Variants in NET1 observed in about 807,000 individuals in gnomAD.
NET1 encodes neuroepithelial cell transforming 1, also known as neuroepithelial cell-transforming gene 1 protein.
In NET1, 42 loss-of-function variants were observed where a neutral mutation model predicts 61.1. The ratio of observed to expected loss-of-function variants is 0.69; its 90% CI spans 0.54 to 0.89. The LOEUF (loss-of-function observed/expected upper bound fraction) is 0.89, where lower values mean the gene tolerates loss of function less well. Among genes scored for constraint, NET1 ranks in the 40% least tolerant of loss-of-function variants. The pLI is 0.00. For synonymous variants in NET1, 254 were observed against 281.8 expected (o/e 0.90, Z 0.99); for missense variants, 654 against 747.3 (o/e 0.88, Z 1.46).
In NET1 at chr10:5,442,193, C is replaced by A. The variant is rs182689944; in HGVS notation, c.256-9637C>A. Among the ~76,000 whole-genome samples, 36 of 152,250 alleles carry A rather than the reference C, an allele frequency of 2.4e-4. 1 individual carries two copies. The East Asian group carries it at 6.9e-3, about 29-fold the overall frequency. ...TGTAGTCATCTATGTAATGTCGTTA[C>A]AAATATAATTACAAAGTTGAAAAAC... is the stretch of plus-strand genomic sequence containing the variant. On this transcript the variant is annotated intron_variant, in intron 3 of 11. Coordinates refer to ENST00000355029, the MANE Select transcript of NET1 (RefSeq NM_001047160.3).
In NET1 at chr10:5,447,483, G is replaced by A. The variant is rs1207823587; in HGVS notation, c.256-4347G>A. Among the ~76,000 whole-genome samples the A allele has an allele frequency of 6.6e-6, 1 of 152,090 alleles. No homozygotes were observed. The highest frequency in any genetic ancestry group is 1.5e-5 in the Non-Finnish European group (1 of 68,026). On this transcript the variant is annotated intron_variant, in intron 3 of 11. Transcript: ENST00000355029. The surrounding 1 kb of genome is among the most constrained non-coding windows in gnomAD (Gnocchi z 4.1). ...TTATGTAATCTTGATTTAACATTGT[G>A]TGATATTCTGTTTATACTATATACT...
In NET1 at chr10:5,446,309, C is replaced by A. The variant is rs1832606825; in HGVS notation, c.256-5521C>A. 6.6e-6 allele frequency among the ~76,000 whole-genome samples: 1 copy of A among 152,204 alleles called. No individual in the cohort carries two copies. Among genetic ancestry groups the A allele is most frequent in the South Asian group, 2.1e-4 (1 of 4,832 alleles). On this transcript the variant is annotated intron_variant, in intron 3 of 11. Coordinates refer to ENST00000355029, the MANE Select transcript of NET1 (RefSeq NM_001047160.3). This position sits in a 1 kb window ranked among gnomAD's most constrained non-coding sequence, Gnocchi z 5.0. ...TATTTGAGTTGTCAAGTTGTCCATA[C>A]TGAACTTATTCCCATGCAATAGGGT...
Position 5,453,724 on chromosome 10 carries a change from TAA to T in NET1, c.768+178_768+179del, listed in dbSNP as rs200149854. Among the ~76,000 whole-genome samples the T allele has an allele frequency of 1.4e-5, 2 of 139,792 alleles. No homozygotes were observed. Among genetic ancestry groups the T allele is most frequent in the South Asian group, 2.3e-4 (1 of 4,390 alleles). 91.7% of individuals were successfully genotyped at this position (139,792 alleles called of 152,430 possible). Reference sequence around the variant, plus strand: ...GTGACATAAGAAGTTACAGTCTGTTTAAAAAAAAAAAAAAACACCTTCATTAA... The same window carrying T: ...GTGACATAAGAAGTTACAGTCTGTTTAAAAAAAAAAAAACACCTTCATTAA... On this transcript the variant is annotated intron_variant, in intron 8 of 11. Transcript: ENST00000355029. The surrounding 1 kb of genome is among the most constrained non-coding windows in gnomAD (Gnocchi z 4.9).
intron 1 of NET1, among the ~76,000 whole-genome samples, chr10:5,425,767 C>T (rs1202750022): frequency 6.6e-6 from 1 of 152,200 alleles, no homozygotes; most frequent in East Asian, 1.9e-4. Context: ...GTAGCAAGCA[C>T]TGAATAAATA....
At position 5,420,493 on chromosome 10, in the gene NET1, A is replaced by C. The variant is rs1171539127; in HGVS notation, c.129-6162A>C. Reference sequence around the variant, plus strand: ...TGCAAGTTTCTCTGGGGCAGCAGTTATGTTTTCTATGTAGATATTCCCTAC... The same window carrying C: ...TGCAAGTTTCTCTGGGGCAGCAGTTCTGTTTTCTATGTAGATATTCCCTAC... On this transcript the variant is annotated intron_variant, in intron 1 of 11. Coordinates refer to ENST00000355029, the MANE Select transcript of NET1 (RefSeq NM_001047160.3). The surrounding 1 kb of genome is among the most constrained non-coding windows in gnomAD (Gnocchi z 5.3). Among the ~76,000 whole-genome samples the C allele has an allele frequency of 6.6e-6, 1 of 152,168 alleles. No homozygotes were observed. The highest frequency in any genetic ancestry group is 1.5e-5 in the Non-Finnish European group (1 of 68,024).
rs1212725101 is a variant in NET1, at chr10:5,426,722, G to A, written c.195+1G>A. On this transcript the variant is annotated splice_donor_variant, in intron 2 of 11. Coordinates refer to ENST00000355029, the MANE Select transcript of NET1 (RefSeq NM_001047160.3). LOFTEE classifies it high-confidence loss of function. This position sits in a 1 kb window ranked among gnomAD's most constrained non-coding sequence, Gnocchi z 4.6. ...TGGCCCCAACTGGGACTTCACTTTG[G>A]TGAGTAGATACCTGGGTTTTTATTT... The A allele has an allele frequency of 3.1e-6, 5 of 1,598,984 alleles. No individual in the cohort carries two copies. Among genetic ancestry groups the A allele is most frequent in the Non-Finnish European group, 3.4e-6 (4 of 1,173,216 alleles).
Position 5,451,432 on chromosome 10 carries a change from G to T in NET1, c.256-398G>T, listed in dbSNP as rs780438358. On this transcript the variant is annotated intron_variant, in intron 3 of 11. Coordinates refer to ENST00000355029, the MANE Select transcript of NET1 (RefSeq NM_001047160.3). The surrounding 1 kb of genome is among the most constrained non-coding windows in gnomAD (Gnocchi z 6.1). ...ATACCAGACACTGTGGAGGCCCCTC[G>T]ATAGACACATGGGATCCATTATGCC... 4.0e-5 allele frequency among the ~76,000 whole-genome samples: 6 copies of T among 151,350 alleles called. No individual in the cohort carries two copies. The highest frequency in any genetic ancestry group is 8.8e-5 in the Non-Finnish European group (6 of 67,960).
At chr10:5,430,937 T>C (rs1465335798) in intron 3 of NET1, among the ~76,000 whole-genome samples, 5 of 150,060 alleles carry the variant, frequency 3.3e-5, no homozygotes, top group Non-Finnish European at 4.4e-5. Flanking sequence ...AGTGGCGCGA[T>C]CTCTGCTCAC....
chr10:5,445,056 T>A (rs1295235558), intron 3 of NET1, among the ~76,000 whole-genome samples: 3 of 152,188 alleles, frequency 2.0e-5, no homozygotes, highest in Non-Finnish European at 4.4e-5. Context: ...TGCATGATGT[T>A]TTCAGTCATC....
intron 2 of NET1, among the ~76,000 whole-genome samples, chr10:5,428,346 G>C (rs1832293058): frequency 6.6e-6 from 1 of 152,040 alleles, no homozygotes; most frequent in Admixed American, 6.5e-5. Flanking sequence ...GTGATAAATG[G>C]TAAGTGGAAA....
chr10:5,420,757 A>G lies in NET1; in HGVS notation c.129-5898A>G, dbSNP rs1361537337. 6.6e-6 allele frequency among the ~76,000 whole-genome samples: 1 copy of G among 151,904 alleles called. No individual in the cohort carries two copies. Among genetic ancestry groups the G allele is most frequent in the Non-Finnish European group, 1.5e-5 (1 of 67,958 alleles). On this transcript the variant is annotated intron_variant, in intron 1 of 11. Coordinates refer to ENST00000355029, the MANE Select transcript of NET1 (RefSeq NM_001047160.3). The surrounding 1 kb of genome is among the most constrained non-coding windows in gnomAD (Gnocchi z 5.3). ...ATTACAGGCAAGCGCCACCACGCCC[A>G]GCTAATTTTTGTATTTTTAGTAGAG...
chr10:5,418,333 G>A (rs1033178136), intron 1 of NET1, among the ~76,000 whole-genome samples: 8 of 152,008 alleles, frequency 5.3e-5, no homozygotes, highest in African/African-American at 1.9e-4. Flanking sequence ...ATCTCTTGTT[G>A]TAGGTGTCTT....
rs535958895 is a variant in NET1 at position 5,435,576 on chromosome 10, C to T, written c.255+6347C>T. Among the ~76,000 whole-genome samples, 9 of 151,146 alleles carry T rather than the reference C, an allele frequency of 6.0e-5. No individual in the cohort carries two copies. The highest frequency in any genetic ancestry group is 5.8e-4 in the East Asian group (3 of 5,174). On this transcript the variant is annotated intron_variant, in intron 3 of 11. Transcript: ENST00000355029. The surrounding 1 kb of genome is among the most constrained non-coding windows in gnomAD (Gnocchi z 5.0). ...AGATAGATAGATAAAATAGATACTCCGTAAATATTGAATTAATGAATGAAA... is the reference window on the plus strand; with the variant it reads ...AGATAGATAGATAAAATAGATACTCTGTAAATATTGAATTAATGAATGAAA...
In NET1 at chr10:5,417,384, C is replaced by T. The variant is rs373156830; in HGVS notation, c.128+4564C>T. Among the ~76,000 whole-genome samples, 2 of 152,148 alleles carry T rather than the reference C, an allele frequency of 1.3e-5. No individual in the cohort carries two copies. Among genetic ancestry groups the T allele is most frequent in the African/African-American group, 4.8e-5 (2 of 41,422 alleles). ...CTATCCTCACTTAGGTCCGTGGGCC[C>T]AGGCCTGGGGATGGAGCCCTAGCAA... is the stretch of plus-strand genomic sequence containing the variant. On this transcript the variant is annotated intron_variant, in intron 1 of 11. Transcript: ENST00000355029. This position sits in a 1 kb window ranked among gnomAD's most constrained non-coding sequence, Gnocchi z 5.5.
chr10:5,434,650 T>A lies in NET1; in HGVS notation c.255+5421T>A, dbSNP rs572561688. On this transcript the variant is annotated intron_variant, in intron 3 of 11. Coordinates refer to ENST00000355029, the MANE Select transcript of NET1 (RefSeq NM_001047160.3). Reference sequence around the variant, plus strand: ...GTCACTCTGCTCATATTTTGAGGTTTAAGGGGAATCTTTCTCTTTGTTGTG... The same window carrying A: ...GTCACTCTGCTCATATTTTGAGGTTAAAGGGGAATCTTTCTCTTTGTTGTG... Among the ~76,000 whole-genome samples the A allele has an allele frequency of 7.2e-5, 11 of 152,196 alleles. No individual in the cohort carries two copies. In the East Asian group the frequency reaches 1.9e-3, roughly 27 times the overall value.
rs1832575366 is a variant in NET1 at position 5,444,617 on chromosome 10, T to C, written c.256-7213T>C. Among the ~76,000 whole-genome samples the C allele has an allele frequency of 6.6e-6, 1 of 152,242 alleles. No individual in the cohort carries two copies. Among genetic ancestry groups the C allele is most frequent in the Non-Finnish European group, 1.5e-5 (1 of 68,040 alleles). On this transcript the variant is annotated intron_variant, in intron 3 of 11. Transcript: ENST00000355029. This position sits in a 1 kb window ranked among gnomAD's most constrained non-coding sequence, Gnocchi z 5.3. ...TTTGCTTTGTTTCTTTCCTTCTAAC[T>C]ATTCCTTTTGCAGAATTTTCCTTCC...
rs1184208746 is a variant in NET1, at chr10:5,453,144, G to C, written c.595-106G>C. 1 of 785,038 alleles carries C rather than the reference G, an allele frequency of 1.3e-6. No individual in the cohort carries two copies. Among genetic ancestry groups the C allele is most frequent in the Non-Finnish European group, 2.2e-6 (1 of 451,260 alleles). 48.6% of individuals were successfully genotyped at this position (785,038 alleles called of 1,614,324 possible). On this transcript the variant is annotated intron_variant, in intron 6 of 11. Coordinates refer to ENST00000355029, the MANE Select transcript of NET1 (RefSeq NM_001047160.3). The surrounding 1 kb of genome is among the most constrained non-coding windows in gnomAD (Gnocchi z 4.9). ...TAATTTATTTTATGTGTAGCAAACA[G>C]AATCCACGCTAGCTTTTATGTAATT...
At position 5,415,030 on chromosome 10, in the gene NET1, T is replaced by C. The variant is rs901277952; in HGVS notation, c.128+2210T>C. On this transcript the variant is annotated intron_variant, in intron 1 of 11. Coordinates refer to ENST00000355029, the MANE Select transcript of NET1 (RefSeq NM_001047160.3). This position sits in a 1 kb window ranked among gnomAD's most constrained non-coding sequence, Gnocchi z 4.7. ...ATGGAGAATTAAATAACATATTCCT[T>C]TTCCAGAAAAGATGTAAGATCATCT... 6.6e-6 allele frequency among the ~76,000 whole-genome samples: 1 copy of C among 152,140 alleles called. No homozygotes were observed. Among genetic ancestry groups the C allele is most frequent in the Non-Finnish European group, 1.5e-5 (1 of 68,034 alleles).
At chr10:5,436,589 A>G (rs1021714338) in intron 3 of NET1, among the ~76,000 whole-genome samples, 2 of 152,056 alleles carry the variant, frequency 1.3e-5, no homozygotes, top group African/African-American at 4.8e-5. Flanking sequence ...ATTAAACATA[A>G]TAATAAGTGT....
Sources: gnomAD v4.1 joint callset for allele counts (sites outside exome capture counted in the v4.1 genomes callset) on GRCh38, gnomAD v4.1.1 for gene constraint, Gnocchi (gnomAD v3.1) non-coding constraint, MANE v1.5 for transcripts, NCBI Gene and HGNC (gene_info 2026-07-23, HGNC 2026-07-21) for gene names.